Variants in CPLX1 observed in about 807,000 individuals in gnomAD.
The protein encoded by CPLX1 is complexin 1, also known as complexin-1.
A neutral mutation model predicts 15.6 loss-of-function variants in CPLX1; 6 were observed. That is an observed-to-expected ratio of 0.39 (90% CI 0.21 to 0.76). CPLX1 has a LOEUF of 0.76. Ranked by LOEUF, CPLX1 falls within the 30% of genes least tolerant of loss-of-function variation. CPLX1 has a pLI of 0.43. For synonymous variants in CPLX1, 91 were observed against 75.2 expected (o/e 1.21, Z -1.08); for missense variants, 242 against 188.6 (o/e 1.28, Z -1.66).
chr4:814,953 C>A (rs150262488), intron 2 of CPLX1, among the ~76,000 whole-genome samples: 1 of 152,374 alleles, frequency 6.6e-6, no homozygotes, highest in East Asian at 1.9e-4. Flanking sequence ...CTCTCACACA[C>A]TGGAACCCCA....
At chr4:788,730 C>CA (rs1560235545) in intron 3 of CPLX1, among the ~76,000 whole-genome samples, 7 of 151,670 alleles carry the variant, frequency 4.6e-5, no homozygotes, top group African/African-American at 1.7e-4. Flanking sequence ...CTGGGGAGAG[C>CA]GATGCCACTG....
intron 2 of CPLX1, among the ~76,000 whole-genome samples, chr4:814,189 T>C (rs1428837956): frequency 6.6e-6 from 1 of 152,078 alleles, no homozygotes; most frequent in Non-Finnish European, 1.5e-5. Context: ...CTTCCTCTTA[T>C]AATCATGCTA....
At chr4:793,083 C>T (rs1746233519) in intron 2 of CPLX1, among the ~76,000 whole-genome samples, 1 of 152,170 alleles carries the variant, frequency 6.6e-6, no homozygotes, top group African/African-American at 2.4e-5. Context: ...GGCTTGTCGT[C>T]TTGTGGTTGC....
intron 2 of CPLX1, among the ~76,000 whole-genome samples, chr4:814,223 T>TG: frequency 6.6e-6 from 1 of 152,300 alleles, no homozygotes; most frequent in East Asian, 1.9e-4. Context: ...TGCCTGATTT[T>TG]TTTTTTTTAA....
chr4:822,447 G>A (rs1037966487), intron 2 of CPLX1, among the ~76,000 whole-genome samples: 5 of 151,720 alleles, frequency 3.3e-5, no homozygotes, highest in Non-Finnish European at 7.4e-5. Context: ...TGTCTCTGAC[G>A]TGCCGTCTCT....
chr4:800,787 G>A (rs1220188867), intron 2 of CPLX1, among the ~76,000 whole-genome samples: 14 of 145,664 alleles, frequency 9.6e-5, no homozygotes, highest in African/African-American at 3.3e-4. Flanking sequence ...ACACATATAT[G>A]TGTATATACA....
At chr4:806,175 A>G (rs1474116211) in intron 2 of CPLX1, among the ~76,000 whole-genome samples, 1 of 152,244 alleles carries the variant, frequency 6.6e-6, no homozygotes, top group Non-Finnish European at 1.5e-5. Context: ...ACAGTAACCA[A>G]AACAGCATGG....
At chr4:798,898 A>G (rs946886838) in intron 2 of CPLX1, among the ~76,000 whole-genome samples, 1 of 152,246 alleles carries the variant, frequency 6.6e-6, no homozygotes, top group African/African-American at 2.4e-5. Context: ...TTAAGCAAAG[A>G]TTTCTTATAT....
chr4:788,996 G>A (rs1479816958), intron 3 of CPLX1, among the ~76,000 whole-genome samples: 1 of 152,190 alleles, frequency 6.6e-6, no homozygotes, highest in Non-Finnish European at 1.5e-5. Context: ...CCTTCCTTCT[G>A]GGCCCAGGAA....
intron 2 of CPLX1, among the ~76,000 whole-genome samples, chr4:806,671 T>G (rs1211188224): frequency 6.6e-6 from 1 of 152,064 alleles, no homozygotes; most frequent in Non-Finnish European, 1.5e-5. Context: ...GTCCAGAATC[T>G]ACAAGGAACC....
chr4:805,103 G>T (rs758016434), intron 2 of CPLX1, among the ~76,000 whole-genome samples: 1 of 152,208 alleles, frequency 6.6e-6, no homozygotes. Context: ...TACGCCCATC[G>T]CACATCCACA....
chr4:792,740 AC>A, intron 2 of CPLX1, 132 bp from the exon 3 acceptor site: 1 of 877,492 alleles, frequency 1.1e-6, no homozygotes. Flanking sequence ...GGCTGCCCCC[AC>A]CACCCTCCAG....
chr4:800,406 G>A (rs1426634695), intron 2 of CPLX1, among the ~76,000 whole-genome samples: 3 of 152,000 alleles, frequency 2.0e-5, no homozygotes, highest in South Asian at 2.1e-4. Context: ...AGGCCAAGGC[G>A]GGCAGATGAA....
chr4:809,975 G>A (rs28532973), intron 2 of CPLX1, among the ~76,000 whole-genome samples: 2,022 of 152,136 alleles, frequency 0.013, 40 homozygotes, highest in African/African-American at 0.046. Context: ...GGATGCACAC[G>A]GCTCCTTCAC....
chr4:785,615 C>T lies in CPLX1; in HGVS notation c.*886G>A, dbSNP rs1745959229. ...AGGCCACACACGCGCCAGCTGCGCGCAGGGAACCCCGCAGGCCCCACCCGA... is the reference window on the plus strand; with the variant it reads ...AGGCCACACACGCGCCAGCTGCGCGTAGGGAACCCCGCAGGCCCCACCCGA... On this transcript the variant is annotated 3_prime_UTR_variant, in exon 4 of 4. Coordinates refer to ENST00000304062, the MANE Select transcript of CPLX1 (RefSeq NM_006651.4). The T allele has an allele frequency of 6.6e-6, 1 of 152,468 alleles. No homozygotes were observed. The highest frequency in any genetic ancestry group is 2.4e-5 in the African/African-American group (1 of 41,462). The allele number at this position is 152,468 out of a possible 1,614,324, so 9.4% of individuals were successfully genotyped here.
intron 3 of CPLX1, among the ~76,000 whole-genome samples, chr4:788,901 A>G (rs1199463057): frequency 1.3e-5 from 2 of 152,200 alleles, no homozygotes; most frequent in African/African-American, 4.8e-5. Context: ...ACGGCGGAAC[A>G]TGAGTTGTGT....
chr4:818,235 G>A (rs1175231071), intron 2 of CPLX1, among the ~76,000 whole-genome samples: 1 of 152,352 alleles, frequency 6.6e-6, no homozygotes, highest in East Asian at 1.9e-4. Flanking sequence ...GCGCTGGAGA[G>A]GTGTTGCAGC....
In CPLX1 at chr4:786,503, ACTT is replaced by A; in HGVS notation, c.400_402del (p.Lys134del). Reference sequence around the variant, plus strand: ...CGGGGCCGCTGTCCCGCGCGCGGCTACTTCTTGAGCATGTCCTGCAGCGGCCCG... The same window carrying A: ...CGGGGCCGCTGTCCCGCGCGCGGCTACTTGAGCATGTCCTGCAGCGGCCCG... On this transcript the variant is annotated inframe_deletion, in exon 4 of 4. Coordinates refer to ENST00000304062, the MANE Select transcript of CPLX1 (RefSeq NM_006651.4). 6.4e-7 allele frequency: 1 copy of A among 1,574,742 alleles called. No homozygotes were observed. The highest frequency in any genetic ancestry group is 8.6e-7 in the Non-Finnish European group (1 of 1,158,962).
intron 3 of CPLX1, among the ~76,000 whole-genome samples, chr4:791,179 G>GA (rs1746160981): frequency 6.7e-6 from 1 of 150,354 alleles, no homozygotes; most frequent in Non-Finnish European, 1.5e-5. Context: ...GCTGCGGGGC[G>GA]GGGGGCGGGG....
Sources: allele counts gnomAD v4.1 joint callset (sites outside exome capture counted in the v4.1 genomes callset), GRCh38; gene constraint gnomAD v4.1.1; transcripts MANE v1.5; gene names NCBI Gene and HGNC (gene_info 2026-07-23, HGNC 2026-07-21).